The following PLEKHA2 variants were observed in gnomAD, a reference collection of about 807,000 sequenced individuals.
PLEKHA2 encodes pleckstrin homology domain-containing family A member 2.
Under a neutral mutation model 53.2 loss-of-function variants are expected in PLEKHA2, and 28 were observed. The observed-to-expected ratio is 0.53, with a 90% CI of 0.39 to 0.72. The LOEUF (loss-of-function observed/expected upper bound fraction) is 0.72, where lower values mean the gene tolerates loss of function less well. Among genes scored for constraint, PLEKHA2 ranks in the 30% least tolerant of loss-of-function variants. The pLI, the probability that PLEKHA2 is intolerant of heterozygous loss-of-function variation, is 0.00. For missense variants in PLEKHA2, 426 were observed against 537.9 expected (o/e 0.79, Z 2.06); for synonymous variants, 193 against 196.4 (o/e 0.98, Z 0.14).
chr8:38,949,714 T>C (rs896648300), intron 5 of PLEKHA2, among the ~76,000 whole-genome samples: 7 of 152,258 alleles, frequency 4.6e-5, no homozygotes, highest in Admixed American at 3.9e-4. Context: ...GCCTTAATTA[T>C]AATATTTTGT....
intron 10 of PLEKHA2, among the ~76,000 whole-genome samples, chr8:38,964,108 G>T (rs1287074763): frequency 1.3e-5 from 2 of 152,200 alleles, no homozygotes; most frequent in Non-Finnish European, 2.9e-5. Context: ...TTAAAAGGGT[G>T]TGAATTCTTT....
At chr8:38,938,507 A>G (rs1352737940) in intron 3 of PLEKHA2, among the ~76,000 whole-genome samples, 1 of 152,216 alleles carries the variant, frequency 6.6e-6, no homozygotes, top group Non-Finnish European at 1.5e-5. Context: ...ATGGGCAGAC[A>G]GGGTGGGGCT....
At chr8:38,920,486 G>C (rs1348378402) in intron 2 of PLEKHA2, among the ~76,000 whole-genome samples, 2 of 151,784 alleles carry the variant, frequency 1.3e-5, no homozygotes, top group Non-Finnish European at 2.9e-5. Flanking sequence ...TGTTGGCCAG[G>C]CTGGTCTTGA....
intron 2 of PLEKHA2, among the ~76,000 whole-genome samples, chr8:38,923,873 A>T (rs1456798018): frequency 2.6e-5 from 4 of 152,094 alleles, no homozygotes; most frequent in Admixed American, 2.6e-4. Context: ...TTTTTTTAAG[A>T]CAGAGTCTCA....
intron 10 of PLEKHA2, among the ~76,000 whole-genome samples, chr8:38,962,091 G>A (rs1340104942): frequency 6.6e-6 from 1 of 152,196 alleles, no homozygotes; most frequent in African/African-American, 2.4e-5. Context: ...AGGCTTTGAA[G>A]GTAAATTATT....
intron 1 of PLEKHA2, among the ~76,000 whole-genome samples, chr8:38,903,261 C>A (rs1833820543): frequency 6.6e-6 from 1 of 152,224 alleles, no homozygotes; most frequent in Non-Finnish European, 1.5e-5. Context: ...TTGTCTATGG[C>A]ACTCCTAGTG....
chr8:38,973,272 C>T lies in PLEKHA2; in HGVS notation c.*3489C>T, dbSNP rs1289829731. 1 of 152,030 alleles carries T rather than the reference C, an allele frequency of 6.6e-6. No individual in the cohort carries two copies. Among genetic ancestry groups the T allele is most frequent in the Non-Finnish European group, 1.5e-5 (1 of 67,998 alleles). 9.4% of individuals were successfully genotyped at this position (152,030 alleles called of 1,614,324 possible). A position where few individuals can be genotyped will look rare whatever the true frequency, so the allele number is the denominator to read the frequency against. ...GAATATTGGAGTTATACATCTATTTCTGAGTTGAATACTCAGCTCCCACGA... is the reference window on the plus strand; with the variant it reads ...GAATATTGGAGTTATACATCTATTTTTGAGTTGAATACTCAGCTCCCACGA... On this transcript the variant is annotated 3_prime_UTR_variant, in exon 12 of 12. Transcript: ENST00000617275.
At chr8:38,952,821 C>T (rs781265670) in intron 8 of PLEKHA2, 117 bp downstream of exon 8, 12 of 1,049,076 alleles carry the variant, frequency 1.1e-5, no homozygotes, top group Admixed American at 2.1e-5. Flanking sequence ...ACTTCAAAGG[C>T]GCCTCTGTCT....
chr8:38,921,582 G>A (rs555828938), intron 2 of PLEKHA2, among the ~76,000 whole-genome samples: 274 of 152,306 alleles, frequency 1.8e-3, no homozygotes, highest in Non-Finnish European at 3.2e-3. Context: ...GCTGTGCCTC[G>A]GGCTGCCTTC....
intron 2 of PLEKHA2, among the ~76,000 whole-genome samples, chr8:38,934,956 G>A (rs1053585195): frequency 7.2e-5 from 11 of 152,144 alleles, no homozygotes; most frequent in African/African-American, 2.4e-4. Flanking sequence ...GCTCACACTT[G>A]CTGAGAGTCT....
chr8:38,926,711 C>T (rs564248002), intron 2 of PLEKHA2, among the ~76,000 whole-genome samples: 1 of 152,368 alleles, frequency 6.6e-6, no homozygotes, highest in South Asian at 2.1e-4. Context: ...CAGGCGATCA[C>T]CTGCGGTCAG....
At chr8:38,926,031 C>T (rs1834282268) in intron 2 of PLEKHA2, among the ~76,000 whole-genome samples, 1 of 152,234 alleles carries the variant, frequency 6.6e-6, no homozygotes, top group Non-Finnish European at 1.5e-5. Context: ...CACTTCTGTC[C>T]TCTCAGCAGG....
Position 38,969,756 on chromosome 8 carries a change from T to C in PLEKHA2, c.1251T>C (p.Asp417=), listed in dbSNP as rs760836343. ...AGCCGTTTATGTTCAACCTTGATGA[T>C]GAAAACATACGGACCTCTGATGTGT... ...KEKPFMFNLD[D]ENIRTSDV The change falls in exon 12 of 12, where the codon GAT becomes GAC. Residue 417 remains aspartate (D), a synonymous_variant. Coordinates refer to ENST00000617275, the MANE Select transcript of PLEKHA2 (RefSeq NM_021623.2). 6.5e-7 allele frequency: 1 copy of C among 1,537,670 alleles called. No individual in the cohort carries two copies. The highest frequency in any genetic ancestry group is 1.2e-5 in the South Asian group (1 of 83,926).
chr8:38,954,490 T>TA (rs1185704816), intron 9 of PLEKHA2, among the ~76,000 whole-genome samples: 1 of 152,076 alleles, frequency 6.6e-6, no homozygotes, highest in Non-Finnish European at 1.5e-5. Flanking sequence ...ATAAGGAACT[T>TA]ACGGTTAAAT....
intron 2 of PLEKHA2, among the ~76,000 whole-genome samples, chr8:38,926,840 G>C (rs201677556): frequency 6.6e-6 from 1 of 152,116 alleles, no homozygotes; most frequent in Non-Finnish European, 1.5e-5. Flanking sequence ...GCTTGAACCC[G>C]GGAGGCAGAG....
At chr8:38,969,005 T>C in intron 11 of PLEKHA2, 1 of 316,608 alleles carries the variant, frequency 3.2e-6, no homozygotes, top group Non-Finnish European at 5.8e-6. Context: ...TTCAAGTGAT[T>C]CTCCTGCCTC....
chr8:38,950,866 G>T lies in PLEKHA2; in HGVS notation c.362G>T (p.Gly121Val). 1 of 1,613,710 alleles carries T rather than the reference G, an allele frequency of 6.2e-7. No homozygotes were observed. The highest frequency in any genetic ancestry group is 8.5e-7 in the Non-Finnish European group (1 of 1,179,718). Residue 121 changes from glycine to valine, a missense_variant, in exon 6 of 12, where the codon GGC becomes GTC. Gly to Val is a moderately radical substitution (Grantham distance 109). Transcript: ENST00000617275. ...ASKITVPKGG[G>V]LPMTTEVLKS... ...TCACCCCAGGTTCCCAAAGGTGGGG[G>T]CCTACCCATGACCACTGAAGTTCTC...
chr8:38,919,098 C>G (rs1209833767), intron 2 of PLEKHA2, among the ~76,000 whole-genome samples: 10 of 152,232 alleles, frequency 6.6e-5, no homozygotes, highest in Non-Finnish European at 2.9e-5. Flanking sequence ...GGTCTCCTGA[C>G]TCAGGAAGTC....
intron 1 of PLEKHA2, among the ~76,000 whole-genome samples, chr8:38,911,292 A>G (rs1053593926): frequency 1.3e-5 from 2 of 151,630 alleles, no homozygotes; most frequent in African/African-American, 4.9e-5. Context: ...GCTGGGGTGC[A>G]GTGGCATGAT....
Sources: gnomAD v4.1 joint callset for allele counts (sites outside exome capture counted in the v4.1 genomes callset) on GRCh38, gnomAD v4.1.1 for gene constraint, MANE v1.5 for transcripts, NCBI Gene and HGNC (gene_info 2026-07-23, HGNC 2026-07-21) for gene names.